IFT80: variants seen among roughly 807,000 people sequenced by gnomAD.
IFT80 encodes intraflagellar transport 80.
IFT80 carries 79 observed loss-of-function variants against 107.9 expected under a neutral mutation model. The observed-to-expected ratio is 0.73, with a 90% CI of 0.61 to 0.88. The LOEUF (loss-of-function observed/expected upper bound fraction) is 0.88. Among genes scored for constraint, IFT80 ranks in the 40% least tolerant of loss-of-function variants. The pLI, the probability that IFT80 is intolerant of heterozygous loss-of-function variation, is 0.00. For missense variants in IFT80, 797 were observed against 914.2 expected (o/e 0.87, Z 1.65); for synonymous variants, 299 against 300.9 (o/e 0.99, Z 0.07).
chr3:160,374,713 T>C lies in IFT80; in HGVS notation c.439+1099A>G, dbSNP rs147159177. ...CAAATAATGAGTCTTAAAAGAAAAA[T>C]CTATGAAGCCAAAAGTAAATCCATC... is the stretch of plus-strand genomic sequence containing the variant. On this transcript the variant is annotated intron_variant, in intron 5 of 19. Coordinates refer to ENST00000326448, the MANE Select transcript of IFT80 (RefSeq NM_020800.3). 3.2e-3 allele frequency among the ~76,000 whole-genome samples: 483 copies of C among 152,184 alleles called. 2 individuals carry two copies. Among genetic ancestry groups the C allele is most frequent in the African/African-American group, 0.011 (464 of 41,542 alleles).
intron 5 of IFT80, among the ~76,000 whole-genome samples, chr3:160,369,302 T>C (rs1722075177): frequency 3.9e-5 from 6 of 151,958 alleles, no homozygotes; most frequent in Admixed American, 3.9e-4. Context: ...ACAAATAAAT[T>C]ATTTATTTAT....
In IFT80 at chr3:160,375,814, T is replaced by C. The variant is rs2108394316; in HGVS notation, c.437A>G (p.Gln146Arg). Reference sequence around the variant, plus strand: ...AAATTGTCAATTGTAAAACATACCTTGCTGAGCTAAAGTTGATCTAAGCAT... The same window carrying C: ...AAATTGTCAATTGTAAAACATACCTCGCTGAGCTAAAGTTGATCTAAGCAT... Reference protein sequence around the residue: ...TGMLRSTLAQQGTPVYSVAWG... With the variant: ...TGMLRSTLAQRGTPVYSVAWG... The change falls in exon 5 of 20, where the codon CAA (glutamine) becomes CGA (arginine). Residue 146 changes from glutamine to arginine, a missense_variant and splice_region_variant. By Grantham distance (43) the Gln-to-Arg change is conservative. Transcript: ENST00000326448. 6.2e-7 allele frequency: 1 copy of C among 1,609,074 alleles called. No individual in the cohort carries two copies. Among genetic ancestry groups the C allele is most frequent in the Non-Finnish European group, 8.5e-7 (1 of 1,176,130 alleles).
In IFT80 at chr3:160,357,516, T is replaced by C. The variant is rs1359553849; in HGVS notation, c.612A>G (p.Leu204=). The C allele has an allele frequency of 3.2e-6, 5 of 1,584,920 alleles. No individual in the cohort carries two copies. The highest frequency in any genetic ancestry group is 4.3e-6 in the Non-Finnish European group (5 of 1,154,092). ...VDWNSVNDLI[L]SAGEDCKYKV... is the part of the protein sequence containing the mutation. Reference sequence around the variant, plus strand: ...TATATTTACAGTCTTCACCAGCAGATAAAATAAGATCATTGACCGAGTTCC... The same window carrying C: ...TATATTTACAGTCTTCACCAGCAGACAAAATAAGATCATTGACCGAGTTCC... The change falls in exon 7 of 20, where the codon TTA becomes TTG. Residue 204 remains leucine, a synonymous_variant. Transcript: ENST00000326448.
chr3:160,358,644 G>A (rs754750186), intron 6 of IFT80, among the ~76,000 whole-genome samples: 34 of 152,158 alleles, frequency 2.2e-4, no homozygotes, highest in Non-Finnish European at 3.5e-4. Context: ...ATGAGCCACC[G>A]TGCCCAGCCA....
In IFT80 at chr3:160,357,529, T is replaced by C. The variant is rs1468017879; in HGVS notation, c.599A>G (p.Asn200Ser). 4.4e-6 allele frequency: 7 copies of C among 1,598,300 alleles called. No homozygotes were observed. Among genetic ancestry groups the C allele is most frequent in the Non-Finnish European group, 6.0e-6 (7 of 1,166,138 alleles). The part of the protein sequence containing the change: ...IILKVDWNSV[N>S]DLILSAGEDC... ...TTCACCAGCAGATAAAATAAGATCATTGACCGAGTTCCAATCTACTTTTAA... is the reference window on the plus strand; with the variant it reads ...TTCACCAGCAGATAAAATAAGATCACTGACCGAGTTCCAATCTACTTTTAA... The change falls in exon 7 of 20, where the codon AAT (asparagine) becomes AGT (serine). Residue 200 changes from asparagine to serine, a missense_variant. Asn to Ser is a conservative substitution (Grantham distance 46). Coordinates refer to ENST00000326448, the MANE Select transcript of IFT80 (RefSeq NM_020800.3).
rs139691917 is a variant in IFT80 at position 160,325,782 on chromosome 3, T to C, written c.778-5843A>G. ...TATATATTTCTTATAATTTTGTACATGAAACAAAGTTTTGTAAATGTTTTG... is the reference window on the plus strand; with the variant it reads ...TATATATTTCTTATAATTTTGTACACGAAACAAAGTTTTGTAAATGTTTTG... On this transcript the variant is annotated intron_variant, in intron 8 of 19. Coordinates refer to ENST00000326448, the MANE Select transcript of IFT80 (RefSeq NM_020800.3). Among the ~76,000 whole-genome samples, 260 of 152,224 alleles carry C rather than the reference T, an allele frequency of 1.7e-3. 2 individuals are homozygous for C. The highest frequency in any genetic ancestry group is 6.0e-3 in the African/African-American group (251 of 41,560).
chr3:160,355,029 A>G (rs1301244394), intron 8 of IFT80, among the ~76,000 whole-genome samples: 1 of 152,234 alleles, frequency 6.6e-6, no homozygotes, highest in African/African-American at 2.4e-5. Context: ...GGAATAGTAT[A>G]AAACAGCCAC....
chr3:160,347,780 C>T (rs6809313), intron 8 of IFT80, among the ~76,000 whole-genome samples: 97,434 of 151,990 alleles, frequency 0.64, 32,561 homozygotes, highest in African/African-American at 0.82. Context: ...TTTAGGTATA[C>T]AGAATAATAA....
At chr3:160,338,746 C>T (rs1301621593) in intron 8 of IFT80, among the ~76,000 whole-genome samples, 13 of 152,152 alleles carry the variant, frequency 8.5e-5, no homozygotes, top group African/African-American at 3.1e-4. Context: ...TTACTGACCA[C>T]TGATCTTTGA....
chr3:160,300,536 A>C (rs1716340878), intron 12 of IFT80, among the ~76,000 whole-genome samples: 2 of 152,292 alleles, frequency 1.3e-5, no homozygotes, highest in South Asian at 4.1e-4. Flanking sequence ...AATGAAGAAA[A>C]AGGGAATATT....
chr3:160,342,547 C>T (rs1449220358), intron 8 of IFT80: 1 of 152,092 alleles, frequency 6.6e-6, no homozygotes, highest in Non-Finnish European at 1.5e-5. Flanking sequence ...CTCTTCAATG[C>T]CAACCTCACC....
rs1212572104 is a variant in IFT80, at chr3:160,270,290, C to T, written c.2100-1754G>A. On this transcript the variant is annotated intron_variant, in intron 18 of 19. Coordinates refer to ENST00000326448, the MANE Select transcript of IFT80 (RefSeq NM_020800.3). ...TGCTGGGATTATAGCTGTGAGCCAC[C>T]GTGCCTGGCTTGGTTTGCCTTACTA... Among the ~76,000 whole-genome samples the T allele has an allele frequency of 3.9e-5, 6 of 152,168 alleles. No homozygotes were observed. In the East Asian group the frequency reaches 9.6e-4, roughly 24 times the overall value.
chr3:160,322,916 A>G (rs199637149), intron 8 of IFT80, among the ~76,000 whole-genome samples: 1 of 151,188 alleles, frequency 6.6e-6, no homozygotes, highest in South Asian at 2.1e-4. Context: ...GTTTGAGTTC[A>G]TTGTAGATTC....
chr3:160,362,284 C>T (rs905221429), intron 6 of IFT80, among the ~76,000 whole-genome samples: 3 of 152,050 alleles, frequency 2.0e-5, no homozygotes, highest in Admixed American at 6.6e-5. Flanking sequence ...TAGAAGAAAT[C>T]GATTAACTCC....
At chr3:160,265,327 T>G (rs1713222799) in intron 19 of IFT80, among the ~76,000 whole-genome samples, 1 of 152,220 alleles carries the variant, frequency 6.6e-6, no homozygotes, top group Admixed American at 6.5e-5. Context: ...CGGTAGTAGC[T>G]AAGCCTAAAG....
chr3:160,349,056 G>A (rs1720486885), intron 8 of IFT80, among the ~76,000 whole-genome samples: 1 of 151,920 alleles, frequency 6.6e-6, no homozygotes, highest in Non-Finnish European at 1.5e-5. Flanking sequence ...TTTTTTAATT[G>A]GGTACATTTT....
chr3:160,263,541 T>C (rs1713034097), intron 19 of IFT80, among the ~76,000 whole-genome samples: 1 of 152,198 alleles, frequency 6.6e-6, no homozygotes, highest in Non-Finnish European at 1.5e-5. Context: ...TCCTCATTCA[T>C]TCAATAACTC....
intron 11 of IFT80, among the ~76,000 whole-genome samples, chr3:160,303,082 C>A (rs1716560500): frequency 1.3e-5 from 2 of 152,048 alleles, no homozygotes; most frequent in Admixed American, 1.3e-4. Flanking sequence ...AAGCTGTGGG[C>A]TAGAAAACCT....
intron 8 of IFT80, among the ~76,000 whole-genome samples, chr3:160,328,798 T>C (rs1041587067): frequency 6.6e-6 from 1 of 152,152 alleles, no homozygotes; most frequent in Non-Finnish European, 1.5e-5. Flanking sequence ...TGAAATACTA[T>C]GTAGCCATAA....
Sources: allele counts gnomAD v4.1 joint callset (sites outside exome capture counted in the v4.1 genomes callset), GRCh38; gene constraint gnomAD v4.1.1; transcripts MANE v1.5; gene names NCBI Gene and HGNC (gene_info 2026-07-23, HGNC 2026-07-21).